Variants in HTT observed in about 807,000 individuals in gnomAD.
The protein encoded by HTT is huntingtin.
HTT carries 104 observed loss-of-function variants against 362.3 expected under a neutral mutation model. The observed-to-expected ratio is 0.29, with a 90% CI of 0.24 to 0.34. The LOEUF (loss-of-function observed/expected upper bound fraction) is 0.34. Ranked by LOEUF, HTT falls within the 10% of genes least tolerant of loss-of-function variation. HTT has a pLI of 1.00. For missense variants in HTT, 3,301 were observed against 3,928.6 expected, an observed-to-expected ratio of 0.84 and a Z score of 4.27; for synonymous variants, 1,577 against 1,548.7, an observed-to-expected ratio of 1.02 and a Z score of -0.43.
intron 26 of HTT, among the ~76,000 whole-genome samples, chr4:3,151,877 A>G (rs978336971): frequency 2.0e-5 from 3 of 152,106 alleles, no homozygotes; most frequent in Non-Finnish European, 4.4e-5. Flanking sequence ...ATACTATCTC[A>G]TTTGGATTAC....
intron 60 of HTT, among the ~76,000 whole-genome samples, chr4:3,232,354 G>A (rs750237805): frequency 4.6e-5 from 7 of 152,184 alleles, no homozygotes; most frequent in East Asian, 3.8e-4. Flanking sequence ...GCCATCCAGC[G>A]CTCCATGGGA....
At chr4:3,175,374 C>T (rs887875866) in intron 33 of HTT, among the ~76,000 whole-genome samples, 2 of 152,204 alleles carry the variant, frequency 1.3e-5, no homozygotes, top group African/African-American at 4.8e-5. Flanking sequence ...GTCCCATCCA[C>T]TTGCCTCCCC....
At chr4:3,193,607 T>G (rs1257854045) in intron 40 of HTT, among the ~76,000 whole-genome samples, 1 of 152,212 alleles carries the variant, frequency 6.6e-6, no homozygotes, top group Non-Finnish European at 1.5e-5. Context: ...AGGCAAAATA[T>G]TGTTACTGTT....
At chr4:3,137,568 A>G (rs1393674898) in intron 21 of HTT, among the ~76,000 whole-genome samples, 106 of 152,262 alleles carry the variant, frequency 7.0e-4, no homozygotes, top group Admixed American at 2.3e-3. Context: ...ATGTGGTGGC[A>G]CACGCCTGTA....
intron 35 of HTT, among the ~76,000 whole-genome samples, 160 bp downstream of exon 35, chr4:3,178,606 A>G (rs914592093): frequency 1.3e-5 from 2 of 152,350 alleles, no homozygotes; most frequent in Middle Eastern, 6.8e-3. Flanking sequence ...GAGACGTTTC[A>G]AAAGAGAAGA....
At chr4:3,145,047 A>G in intron 23 of HTT, 105 bp from the exon 24 acceptor site, 1 of 871,886 alleles carries the variant, frequency 1.1e-6, no homozygotes, top group East Asian at 2.4e-5. Context: ...CACAGATCTC[A>G]GTTTTCTTCT....
At chr4:3,195,191 G>A (rs1161627535) in intron 40 of HTT, among the ~76,000 whole-genome samples, 3 of 152,004 alleles carry the variant, frequency 2.0e-5, no homozygotes, top group Non-Finnish European at 4.4e-5. Context: ...TGTCATAGCT[G>A]AACAAGCCCA....
At chr4:3,187,912 C>G in intron 39 of HTT, 26 bp downstream of exon 39, 1 of 1,398,416 alleles carries the variant, frequency 7.2e-7, no homozygotes, top group Non-Finnish European at 1.0e-6. Context: ...GAGCCTATAA[C>G]TAACCCATGC....
chr4:3,076,716 A>G (rs571367014), intron 1 of HTT, among the ~76,000 whole-genome samples: 11 of 152,306 alleles, frequency 7.2e-5, no homozygotes, highest in Admixed American at 6.5e-4. Flanking sequence ...GCTGCTTCAG[A>G]CACTTGATCA....
chr4:3,086,975 G>A lies in HTT; in HGVS notation c.300G>A (p.Val100=), dbSNP rs1219391053. 1 of 1,608,790 alleles carries A rather than the reference G, an allele frequency of 6.2e-7. No individual in the cohort carries two copies. Among genetic ancestry groups the A allele is most frequent in the South Asian group, 1.1e-5 (1 of 90,872 alleles). Reference sequence around the variant, plus strand: ...TTTCAGCTACCAAGAAAGACCGTGTGAATCATTGTCTGACAATATGTGAAA... The same window carrying A: ...TTTCAGCTACCAAGAAAGACCGTGTAAATCATTGTCTGACAATATGTGAAA... ...KELSATKKDR[V]NHCLTICENI... Residue 100 remains valine, a synonymous_variant, in exon 2 of 67, where the codon GTG becomes GTA. Transcript: ENST00000355072.
chr4:3,110,824 T>C (rs1714706893), intron 6 of HTT, among the ~76,000 whole-genome samples: 1 of 152,182 alleles, frequency 6.6e-6, no homozygotes, highest in African/African-American at 2.4e-5. Flanking sequence ...TTACATCCCT[T>C]CAGTTCTGGG....
chr4:3,103,597 T>G (rs911550746), intron 3 of HTT, among the ~76,000 whole-genome samples: 1 of 152,248 alleles, frequency 6.6e-6, no homozygotes, highest in Non-Finnish European at 1.5e-5. Context: ...TAATGAAAGT[T>G]AAATTGTTTT....
At chr4:3,120,075 G>A (rs1715223352) in intron 8 of HTT, among the ~76,000 whole-genome samples, 1 of 151,842 alleles carries the variant, frequency 6.6e-6, no homozygotes, top group South Asian at 2.1e-4. Flanking sequence ...GGGATTCAGG[G>A]GTATAGAAGT....
intron 33 of HTT, 145 bp downstream of exon 33, chr4:3,175,252 G>C: frequency 1.3e-6 from 1 of 777,482 alleles, no homozygotes; most frequent in Non-Finnish European, 2.0e-6. Flanking sequence ...CATGCACCTA[G>C]CTGGTGCAGA....
chr4:3,236,510 T>C (rs1023231925), intron 64 of HTT, among the ~76,000 whole-genome samples: 1 of 152,188 alleles, frequency 6.6e-6, no homozygotes, highest in African/African-American at 2.4e-5. Flanking sequence ...TCCTGAGGGC[T>C]CAGGGACAGT....
chr4:3,150,101 A>G lies in HTT; in HGVS notation c.3498+1894A>G, dbSNP rs532486034. ...TTCAGTCCTTCCTGCCCACCAGCACATGCTTTCTAGGCTCTGTCCTAGGCC... is the reference window on the plus strand; with the variant it reads ...TTCAGTCCTTCCTGCCCACCAGCACGTGCTTTCTAGGCTCTGTCCTAGGCC... On this transcript the variant is annotated intron_variant, in intron 26 of 66. Transcript: ENST00000355072. 2.6e-5 allele frequency among the ~76,000 whole-genome samples: 4 copies of G among 152,202 alleles called. No homozygotes were observed. In the East Asian group the frequency reaches 7.7e-4, roughly 29 times the overall value.
rs2110177569 is a variant in HTT, at chr4:3,121,211, T to G, written c.1069-17T>G. 1 of 1,595,588 alleles carries G rather than the reference T, an allele frequency of 6.3e-7. No homozygotes were observed. Among genetic ancestry groups the G allele is most frequent in the South Asian group, 1.1e-5 (1 of 90,632 alleles). On this transcript the variant is annotated splice_polypyrimidine_tract_variant and intron_variant, in intron 8 of 66. Coordinates refer to ENST00000355072, the MANE Select transcript of HTT (RefSeq NM_001388492.1). ...TTATAAACTCTGACCAGAACACCTG[T>G]GTTTCTCTGTTTCTAGGTTTATGAA...
chr4:3,109,480 C>T (rs562891258), intron 6 of HTT, among the ~76,000 whole-genome samples: 15 of 152,332 alleles, frequency 9.8e-5, no homozygotes, highest in South Asian at 6.2e-4. Flanking sequence ...CCACCTCAGC[C>T]TCCCAAAGTG....
intron 29 of HTT, among the ~76,000 whole-genome samples, chr4:3,166,032 C>T (rs1463757317): frequency 6.6e-6 from 1 of 152,134 alleles, no homozygotes; most frequent in Non-Finnish European, 1.5e-5. Flanking sequence ...TATGGTTTCT[C>T]CCCATCATTG....
Sources: allele counts gnomAD v4.1 joint callset (sites outside exome capture counted in the v4.1 genomes callset), GRCh38; gene constraint gnomAD v4.1.1; transcripts MANE v1.5; gene names NCBI Gene and HGNC (gene_info 2026-07-23, HGNC 2026-07-21).